TMEM132C: variants seen among roughly 807,000 people sequenced by gnomAD.
The protein encoded by TMEM132C is protein phosphatase 1, regulatory subunit 152.
TMEM132C carries 29 observed loss-of-function variants against 61.4 expected under a neutral mutation model. That is an observed-to-expected ratio of 0.47 (90% CI 0.35 to 0.64). The LOEUF (loss-of-function observed/expected upper bound fraction) is 0.64. Among genes scored for constraint, TMEM132C ranks in the 30% least tolerant of loss-of-function variants. TMEM132C has a pLI of 0.00. For synonymous variants in TMEM132C, 656 were observed against 633.1 expected (o/e 1.04, Z -0.54); for missense variants, 1,408 against 1,476.9 (o/e 0.95, Z 0.76).
At chr12:128,340,789 C>CTT (rs141035205) in intron 1 of TMEM132C, among the ~76,000 whole-genome samples, 3 of 130,702 alleles carry the variant, frequency 2.3e-5, no homozygotes, top group African/African-American at 9.8e-5. Context: ...CTTTCTCTCT[C>CTT]TCTCTCTCTC....
intron 2 of TMEM132C, among the ~76,000 whole-genome samples, chr12:128,429,958 G>C (rs1263431622): frequency 6.6e-6 from 1 of 152,090 alleles, no homozygotes; most frequent in Non-Finnish European, 1.5e-5. Context: ...ATGCACATTG[G>C]GGAGAGGAGG....
intron 5 of TMEM132C, among the ~76,000 whole-genome samples, chr12:128,686,296 T>C (rs761353600): frequency 5.9e-5 from 9 of 152,212 alleles, no homozygotes; most frequent in Non-Finnish European, 1.3e-4. Flanking sequence ...CTTGGCAACA[T>C]TCTACCCCGT....
At chr12:128,497,193 G>A (rs1871995184) in intron 2 of TMEM132C, among the ~76,000 whole-genome samples, 2 of 152,238 alleles carry the variant, frequency 1.3e-5, no homozygotes, top group Admixed American at 1.3e-4. Context: ...TCCTCTGGAA[G>A]CTTCGTCTCA....
At chr12:128,636,497 G>A (rs1268356093) in intron 4 of TMEM132C, among the ~76,000 whole-genome samples, 4 of 151,742 alleles carry the variant, frequency 2.6e-5, no homozygotes, top group Non-Finnish European at 4.4e-5. Context: ...AAGAAGACCC[G>A]TCACCTCCCA....
At chr12:128,366,149 G>A (rs983021328) in intron 1 of TMEM132C, among the ~76,000 whole-genome samples, 2 of 152,170 alleles carry the variant, frequency 1.3e-5, no homozygotes, top group African/African-American at 4.8e-5. Flanking sequence ...CCAGCCCAGG[G>A]CCGGGAAGGG....
At chr12:128,327,159 A>T (rs1872547834) in intron 1 of TMEM132C, among the ~76,000 whole-genome samples, 1 of 149,948 alleles carries the variant, frequency 6.7e-6, no homozygotes, top group South Asian at 2.1e-4. Context: ...TCATTAGCAG[A>T]TTGCTTAATA....
chr12:128,352,436 A>G (rs1030679575), intron 1 of TMEM132C, among the ~76,000 whole-genome samples: 1 of 152,170 alleles, frequency 6.6e-6, no homozygotes, highest in Non-Finnish European at 1.5e-5. Context: ...CCCACAACAC[A>G]TGGGGATTAT....
intron 4 of TMEM132C, among the ~76,000 whole-genome samples, chr12:128,617,240 G>C (rs766949065): frequency 6.6e-6 from 1 of 152,190 alleles, no homozygotes; most frequent in Non-Finnish European, 1.5e-5. Context: ...AAATGATGTG[G>C]TATGGACAGT....
chr12:128,659,947 G>T (rs1489621802), intron 4 of TMEM132C, among the ~76,000 whole-genome samples: 1 of 152,206 alleles, frequency 6.6e-6, no homozygotes, highest in Non-Finnish European at 1.5e-5. Flanking sequence ...CTCACTTGGG[G>T]TTCATATCTC....
At chr12:128,648,887 G>T (rs1954238782) in intron 4 of TMEM132C, among the ~76,000 whole-genome samples, 1 of 150,298 alleles carries the variant, frequency 6.7e-6, no homozygotes, top group Admixed American at 6.6e-5. Context: ...GAGTCCATCA[G>T]CATTGGATAT....
rs1349133262 is a variant in TMEM132C, at chr12:128,707,387, T to C, written c.*1092T>C. The C allele has an allele frequency of 6.6e-6, 1 of 152,238 alleles. No homozygotes were observed. The highest frequency in any genetic ancestry group is 1.5e-5 in the Non-Finnish European group (1 of 68,032). 9.4% of individuals were successfully genotyped at this position (152,238 alleles called of 1,614,324 possible). A position where few individuals can be genotyped will look rare whatever the true frequency, so the allele number is the denominator to read the frequency against. ...TTGGTCTATCACAAGACATAACTGA[T>C]GCTGAACATGAACAAAGATAAAAAC... On this transcript the variant is annotated 3_prime_UTR_variant, in exon 9 of 9. Transcript: ENST00000435159.
rs1954761254 is a variant in TMEM132C, at chr12:128,696,094, G to A, written c.1920G>A (p.Thr640=). ...RVLVGREVGM[T]TIQVLSPLSD... ...TGGTTGGGCGAGAGGTTGGGATGAC[G>A]ACCATCCAGGTAGGAAGCTGGGAGT... Residue 640 remains threonine, a synonymous_variant, in exon 7 of 9, where the codon ACG becomes ACA. Transcript: ENST00000435159. 1.9e-6 allele frequency: 3 copies of A among 1,551,212 alleles called. No homozygotes were observed. The highest frequency in any genetic ancestry group is 2.0e-5 in the Admixed American group (1 of 50,984).
At chr12:128,498,404 A>C (rs894899056) in intron 2 of TMEM132C, among the ~76,000 whole-genome samples, 4 of 152,184 alleles carry the variant, frequency 2.6e-5, no homozygotes, top group Admixed American at 6.5e-5. Flanking sequence ...GGCTGGGTAC[A>C]GTGGCTCACA....
chr12:128,301,006 A>C (rs975427021), intron 1 of TMEM132C, among the ~76,000 whole-genome samples: 4 of 152,180 alleles, frequency 2.6e-5, no homozygotes, highest in Admixed American at 6.5e-5. Flanking sequence ...TCATCCCTGC[A>C]TGCCAGCCCA....
intron 1 of TMEM132C, among the ~76,000 whole-genome samples, chr12:128,409,311 C>G (rs1041269621): frequency 3.9e-5 from 6 of 152,172 alleles, no homozygotes; most frequent in Admixed American, 1.3e-4. Context: ...CACTTTCCTA[C>G]CTTGGAGTTG....
At chr12:128,414,476 G>A (rs1407049545) in intron 1 of TMEM132C, among the ~76,000 whole-genome samples, 7 of 152,128 alleles carry the variant, frequency 4.6e-5, no homozygotes, top group Non-Finnish European at 7.4e-5. Context: ...CTATGAAACT[G>A]CCACCATTCA....
intron 2 of TMEM132C, among the ~76,000 whole-genome samples, chr12:128,420,083 C>G (rs1868936773): frequency 6.6e-6 from 1 of 152,162 alleles, no homozygotes; most frequent in East Asian, 1.9e-4. Context: ...GTAATCCCAG[C>G]TACTTGGGAG....
At chr12:128,408,860 G>A (rs1335028386) in intron 1 of TMEM132C, among the ~76,000 whole-genome samples, 1 of 152,154 alleles carries the variant, frequency 6.6e-6, no homozygotes. Context: ...AGGCAGCTTT[G>A]ATCTGCTCGC....
In TMEM132C at chr12:128,394,259, A is replaced by G. The variant is rs192962169; in HGVS notation, c.86-20473A>G. 7.9e-4 allele frequency among the ~76,000 whole-genome samples: 121 copies of G among 152,260 alleles called. 1 individual carries two copies. The highest frequency in any genetic ancestry group is 2.6e-3 in the African/African-American group (109 of 41,544). ...AATTATCTCCCGCCAGGTCCCCCCA[A>G]CAACATATGGAAATTCAAGATGAAA... On this transcript the variant is annotated intron_variant, in intron 1 of 8. Coordinates refer to ENST00000435159, the MANE Select transcript of TMEM132C (RefSeq NM_001136103.3).
Sources: gnomAD v4.1 joint callset for allele counts (sites outside exome capture counted in the v4.1 genomes callset) on GRCh38, gnomAD v4.1.1 for gene constraint, MANE v1.5 for transcripts, NCBI Gene and HGNC (gene_info 2026-07-23, HGNC 2026-07-21) for gene names.